The following FNDC3A variants were observed in gnomAD, a reference collection of about 807,000 sequenced individuals.
FNDC3A encodes the protein fibronectin type III domain containing 3A, also known as fibronectin type-III domain-containing protein 3A.
A neutral mutation model predicts 148.9 loss-of-function variants in FNDC3A; 32 were observed. The observed-to-expected ratio is 0.21, with a 90% CI of 0.16 to 0.29. The LOEUF (loss-of-function observed/expected upper bound fraction) is 0.29, where lower values mean the gene tolerates loss of function less well. FNDC3A is among the 10% of genes least tolerant of loss of function. The probability of loss-of-function intolerance (pLI) is 1.00; values close to 1 mark genes in which losing one functional copy is unlikely to be tolerated. For missense variants in FNDC3A, 1,191 were observed against 1,452.8 expected, an observed-to-expected ratio of 0.82 and a Z score of 2.93; for synonymous variants, 472 against 473.6, an observed-to-expected ratio of 1.00 and a Z score of 0.04.
chr13:48,980,418 TC>T (rs2137543391), intron 1 of FNDC3A, among the ~76,000 whole-genome samples: 1 of 152,266 alleles, frequency 6.6e-6, no homozygotes, highest in South Asian at 2.1e-4. Context: ...AGTTGGACAT[TC>T]TGCAGTACTC....
intron 4 of FNDC3A, among the ~76,000 whole-genome samples, chr13:49,122,287 A>G (rs993672380): frequency 6.6e-6 from 1 of 152,166 alleles, no homozygotes; most frequent in Non-Finnish European, 1.5e-5. Context: ...AAGGCCTTCA[A>G]TAAAATTGAA....
In FNDC3A at chr13:49,131,263, A is replaced by G; in HGVS notation, c.379A>G (p.Thr127Ala). The change falls in exon 5 of 26, where the codon ACT becomes GCT. Residue 127 changes from threonine to alanine, a missense_variant. Transcript: ENST00000492622. ...PPLPGFIPVPTMMPPPPRHMY... is the reference protein window; with the variant it reads ...PPLPGFIPVPAMMPPPPRHMY... ...TCTACCTGGTTTCATTCCTGTCCCAACTATGATGCCGCCTCCACCACGTCA... is the reference window on the plus strand; with the variant it reads ...TCTACCTGGTTTCATTCCTGTCCCAGCTATGATGCCGCCTCCACCACGTCA... The G allele has an allele frequency of 6.2e-7, 1 of 1,613,982 alleles. No individual in the cohort carries two copies. The highest frequency in any genetic ancestry group is 8.5e-7 in the Non-Finnish European group (1 of 1,179,976).
At chr13:49,019,416 C>T (rs538813956) in intron 2 of FNDC3A, among the ~76,000 whole-genome samples, 37 of 152,344 alleles carry the variant, frequency 2.4e-4, no homozygotes, top group African/African-American at 7.0e-4. Flanking sequence ...AACTCCCTGA[C>T]CCCTTGTGCT....
intron 25 of FNDC3A, among the ~76,000 whole-genome samples, chr13:49,204,700 G>A (rs61949510): frequency 6.6e-6 from 1 of 152,114 alleles, no homozygotes; most frequent in South Asian, 2.1e-4. Context: ...TAACCTTAAG[G>A]CTTGTTTGAA....
intron 2 of FNDC3A, among the ~76,000 whole-genome samples, chr13:49,024,975 T>A (rs941525738): frequency 6.6e-6 from 1 of 152,084 alleles, no homozygotes; most frequent in African/African-American, 2.4e-5. Context: ...TTGTTGCTAC[T>A]ACTGTTATTT....
At chr13:49,171,983 A>T in intron 10 of FNDC3A, 60 bp from the exon 11 acceptor site, 2 of 1,112,210 alleles carry the variant, frequency 1.8e-6, no homozygotes, top group Admixed American at 1.8e-5. Flanking sequence ...TTAGATCATC[A>T]CAGTATCATT....
chr13:48,976,837 G>C (rs1951612164), intron 1 of FNDC3A: 1 of 152,366 alleles, frequency 6.6e-6, no homozygotes, highest in African/African-American at 2.4e-5. Flanking sequence ...AGGTGGACTC[G>C]AGGCTGCAGT....
At chr13:49,053,791 A>G (rs894572578) in intron 2 of FNDC3A, among the ~76,000 whole-genome samples, 37 of 152,330 alleles carry the variant, frequency 2.4e-4, no homozygotes, top group African/African-American at 8.7e-4. Flanking sequence ...AGTAGGTGCT[A>G]GAGCACTCAG....
At chr13:49,069,034 A>G (rs771639964) in intron 2 of FNDC3A, among the ~76,000 whole-genome samples, 2 of 152,206 alleles carry the variant, frequency 1.3e-5, no homozygotes, top group African/African-American at 2.4e-5. Flanking sequence ...TAACAAACCT[A>G]CACGTGTACC....
At chr13:49,167,218 A>G (rs778147778) in intron 8 of FNDC3A, 26 bp from the exon 9 acceptor site, 3 of 1,467,450 alleles carry the variant, frequency 2.0e-6, no homozygotes, top group Non-Finnish European at 2.8e-6. Context: ...TTTATCAGAC[A>G]TGATATATTA....
chr13:49,030,849 T>C (rs1281950792), intron 2 of FNDC3A, among the ~76,000 whole-genome samples: 1 of 152,112 alleles, frequency 6.6e-6, no homozygotes, highest in Non-Finnish European at 1.5e-5. Context: ...TGAAAGAAAT[T>C]AAGGAAGACT....
chr13:49,080,284 C>T (rs1047631376), intron 3 of FNDC3A, among the ~76,000 whole-genome samples: 5 of 152,134 alleles, frequency 3.3e-5, no homozygotes, highest in Non-Finnish European at 7.4e-5. Context: ...TAAGGCACCA[C>T]TCTTAAATAT....
intron 2 of FNDC3A, among the ~76,000 whole-genome samples, chr13:49,016,618 T>G (rs1872804812): frequency 6.6e-6 from 1 of 151,814 alleles, no homozygotes; most frequent in Non-Finnish European, 1.5e-5. Flanking sequence ...CTGCTCTGAT[T>G]TTAGTTATTT....
intron 2 of FNDC3A, among the ~76,000 whole-genome samples, chr13:49,033,124 C>T (rs771532017): frequency 5.9e-5 from 9 of 151,626 alleles, no homozygotes; most frequent in African/African-American, 1.2e-4. Flanking sequence ...ATATATAAAC[C>T]GCAAATATAC....
At chr13:49,064,752 G>T (rs1877149613) in intron 2 of FNDC3A, among the ~76,000 whole-genome samples, 1 of 152,160 alleles carries the variant, frequency 6.6e-6, no homozygotes, top group African/African-American at 2.4e-5. Context: ...GTTCACTTGG[G>T]TTCATGTGTA....
At chr13:49,205,771 T>C (rs1886616812) in intron 25 of FNDC3A, among the ~76,000 whole-genome samples, 1 of 152,240 alleles carries the variant, frequency 6.6e-6, no homozygotes, top group Non-Finnish European at 1.5e-5. Flanking sequence ...AAAGCTTCTT[T>C]CAGTAAGTTC....
rs191991720 is a variant in FNDC3A at position 49,143,299 on chromosome 13, G to A, written c.820-2479G>A. ...AATACTTTAGGAGGCCGGGGCAGGA[G>A]GATCGCTTGAGCCTAGGAGTTCGCA... On this transcript the variant is annotated intron_variant, in intron 7 of 25. Coordinates refer to ENST00000492622, the MANE Select transcript of FNDC3A (RefSeq NM_001079673.2). Among the ~76,000 whole-genome samples, 19 of 152,200 alleles carry A rather than the reference G, an allele frequency of 1.2e-4. No individual in the cohort carries two copies. The East Asian group carries it at 3.7e-3, about 29-fold the overall frequency.
chr13:49,128,676 G>A (rs1364933505), intron 4 of FNDC3A, among the ~76,000 whole-genome samples: 2 of 152,066 alleles, frequency 1.3e-5, no homozygotes, highest in African/African-American at 4.8e-5. Flanking sequence ...CTGTGTCGTG[G>A]TGCCTGACCT....
At chr13:49,163,532 A>G (rs80273923) in intron 8 of FNDC3A, among the ~76,000 whole-genome samples, 2 of 152,254 alleles carry the variant, frequency 1.3e-5, no homozygotes, top group East Asian at 3.9e-4. Context: ...TCCAGGTACC[A>G]TCTTTCATGG....
Sources: gnomAD v4.1 joint callset for allele counts (sites outside exome capture counted in the v4.1 genomes callset) on GRCh38, gnomAD v4.1.1 for gene constraint, MANE v1.5 for transcripts, NCBI Gene and HGNC (gene_info 2026-07-23, HGNC 2026-07-21) for gene names.